ATP10B: variants seen among roughly 807,000 people sequenced by gnomAD.
ATP10B encodes ATPase phospholipid transporting 10B (putative), also known as phospholipid-transporting ATPase VB.
Under a neutral mutation model 141.2 loss-of-function variants are expected in ATP10B, and 122 were observed. The observed-to-expected ratio is 0.86, with a 90% CI of 0.75 to 1.00. The LOEUF (loss-of-function observed/expected upper bound fraction) is 1.00, where lower values mean the gene tolerates loss of function less well. Among genes scored for constraint, ATP10B ranks in the 50% least tolerant of loss-of-function variants. The probability of loss-of-function intolerance (pLI) is 0.00; values close to 1 mark genes in which losing one functional copy is unlikely to be tolerated. For synonymous variants in ATP10B, 685 were observed against 692.0 expected, an observed-to-expected ratio of 0.99 and a Z score of 0.16; for missense variants, 1,876 against 1,825.3, an observed-to-expected ratio of 1.03 and a Z score of -0.51.
At chr5:160,599,244 T>C (rs914075378) in intron 21 of ATP10B, among the ~76,000 whole-genome samples, 13 of 152,198 alleles carry the variant, frequency 8.5e-5, no homozygotes, top group African/African-American at 2.9e-4. Context: ...ACATTGCCAA[T>C]AGGTTCTTAG....
the ATP10B span, among the ~76,000 whole-genome samples, chr5:160,897,742 A>G: frequency 0.1 from 15,816 of 152,246 alleles, 895 homozygotes; most frequent in Non-Finnish European, 0.12. Context: ...AGACAATCCT[A>G]AGCCAAAAGA....
At chr5:160,650,750 C>A (rs918782134) in intron 7 of ATP10B, among the ~76,000 whole-genome samples, 19 of 152,298 alleles carry the variant, frequency 1.2e-4, no homozygotes, top group African/African-American at 3.8e-4. Flanking sequence ...AGGCATATAG[C>A]TTAGAAGGTA....
intron 1 of ATP10B, among the ~76,000 whole-genome samples, chr5:160,827,202 CCT>C (rs1262967026): frequency 1.3e-5 from 2 of 152,324 alleles, no homozygotes; most frequent in East Asian, 1.9e-4. Context: ...CTGTAAAATT[CCT>C]CTCTTTGTAC....
At chr5:160,911,968 CA>C in the ATP10B span, among the ~76,000 whole-genome samples, 1 of 152,062 alleles carries the variant, frequency 6.6e-6, no homozygotes, top group Admixed American at 6.6e-5. Flanking sequence ...TCTAAGTTGA[CA>C]AATATTTAAA....
At chr5:160,883,310 T>C in the ATP10B span, among the ~76,000 whole-genome samples, 1 of 152,278 alleles carries the variant, frequency 6.6e-6, no homozygotes, top group East Asian at 1.9e-4. Flanking sequence ...CATCTGTATA[T>C]GGTTACAAAA....
intron 24 of ATP10B, among the ~76,000 whole-genome samples, chr5:160,577,063 G>A (rs897383920): frequency 1.3e-5 from 2 of 152,178 alleles, no homozygotes; most frequent in Admixed American, 6.6e-5. Flanking sequence ...TTCTCTGAAG[G>A]TAATCTGAGG....
chr5:160,625,363 C>T (rs1487279189), intron 13 of ATP10B, among the ~76,000 whole-genome samples: 1 of 152,088 alleles, frequency 6.6e-6, no homozygotes, highest in Non-Finnish European at 1.5e-5. Context: ...GCAGATAGTC[C>T]ATGAGAGTGA....
chr5:160,578,175 C>T (rs1233910395), intron 24 of ATP10B, among the ~76,000 whole-genome samples: 2 of 152,080 alleles, frequency 1.3e-5, no homozygotes, highest in Non-Finnish European at 2.9e-5. Context: ...TTTCTTTGCT[C>T]TCATTTTATT....
intron 1 of ATP10B, among the ~76,000 whole-genome samples, chr5:160,835,567 G>A (rs921247255): frequency 6.6e-6 from 1 of 152,120 alleles, no homozygotes; most frequent in Admixed American, 6.6e-5. Flanking sequence ...CACCTCAGGG[G>A]TTAAGGATAA....
chr5:160,847,447 C>T (rs1776196965), intron 1 of ATP10B, among the ~76,000 whole-genome samples: 1 of 152,146 alleles, frequency 6.6e-6, no homozygotes. Flanking sequence ...TTATGTATTG[C>T]TGCTACTTCC....
At chr5:160,882,344 G>A in the ATP10B span, among the ~76,000 whole-genome samples, 15 of 152,154 alleles carry the variant, frequency 9.9e-5, no homozygotes, top group African/African-American at 3.4e-4. Context: ...GAGAGGCCAG[G>A]CATGTGTAGG....
At chr5:160,708,199 G>T (rs1381378716) in intron 3 of ATP10B, among the ~76,000 whole-genome samples, 1 of 152,094 alleles carries the variant, frequency 6.6e-6, no homozygotes, top group Non-Finnish European at 1.5e-5. Flanking sequence ...TTGAGGTTTT[G>T]TTGTCTGATT....
intron 1 of ATP10B, among the ~76,000 whole-genome samples, chr5:160,827,406 G>A (rs1662720699): frequency 6.6e-6 from 1 of 152,188 alleles, no homozygotes; most frequent in Non-Finnish European, 1.5e-5. Context: ...TCTCTGATTA[G>A]TGATGTTGAG....
At chr5:160,660,897 C>A (rs76810558) in intron 7 of ATP10B, among the ~76,000 whole-genome samples, 261 of 152,220 alleles carry the variant, frequency 1.7e-3, no homozygotes, top group African/African-American at 6.0e-3. Context: ...TATAAGAAAT[C>A]GTACAGGGGC....
rs979500913 is a variant in ATP10B, at chr5:160,620,415, C to T, written c.2348G>A (p.Gly783Asp). Residue 783 changes from glycine to aspartate, a missense_variant, in exon 15 of 26, where the codon GGC becomes GAC. Transcript: ENST00000327245. ...ACCCTTGGTGTAGACAACAATCTCG[C>T]CAGTCAGTGGGTGCCTCACAACCAC... ...MSVVVRHPLTGEIVVYTKGAD... is the reference protein window; with the variant it reads ...MSVVVRHPLTDEIVVYTKGAD... 6.2e-7 allele frequency: 1 copy of T among 1,614,188 alleles called. No individual in the cohort carries two copies. The highest frequency in any genetic ancestry group is 8.5e-7 in the Non-Finnish European group (1 of 1,180,022).
chr5:160,893,512 G>A, the ATP10B span, among the ~76,000 whole-genome samples: 1 of 152,154 alleles, frequency 6.6e-6, no homozygotes, highest in Admixed American at 6.5e-5. Flanking sequence ...TCCTCTCTGG[G>A]CAGGGCATCT....
At chr5:160,773,970 CAG>C (rs1426238867) in intron 2 of ATP10B, among the ~76,000 whole-genome samples, 22 of 152,202 alleles carry the variant, frequency 1.4e-4, no homozygotes, top group Admixed American at 6.5e-5. Context: ...TGTAAAGACT[CAG>C]GGGAGCTTTT....
intron 7 of ATP10B, among the ~76,000 whole-genome samples, chr5:160,669,936 A>G (rs913970772): frequency 7.9e-5 from 12 of 151,810 alleles, no homozygotes; most frequent in Non-Finnish European, 2.9e-5. Context: ...AAAAGATATC[A>G]GTGATCTCTG....
chr5:160,779,240 A>G (rs1444365991), intron 2 of ATP10B, among the ~76,000 whole-genome samples: 1 of 152,220 alleles, frequency 6.6e-6, no homozygotes, highest in Non-Finnish European at 1.5e-5. Flanking sequence ...AAAGGAAAAG[A>G]TTTAAATCAA....
Sources: gnomAD v4.1 joint callset for allele counts (sites outside exome capture counted in the v4.1 genomes callset) on GRCh38, gnomAD v4.1.1 for gene constraint, MANE v1.5 for transcripts, NCBI Gene and HGNC (gene_info 2026-07-23, HGNC 2026-07-21) for gene names.